TEX36: variants seen among roughly 807,000 people sequenced by gnomAD.
TEX36 encodes the protein testis-expressed protein 36.
TEX36 carries 12 observed loss-of-function variants against 13.6 expected under a neutral mutation model. That is an observed-to-expected ratio of 0.88 (90% confidence interval 0.56 to 1.43). TEX36 has a LOEUF of 1.43. Among genes scored for constraint, TEX36 ranks in the 40% most tolerant of loss-of-function variants. The pLI, the probability that TEX36 is intolerant of heterozygous loss-of-function variation, is 0.00. For synonymous variants in TEX36, 93 were observed against 83.0 expected, an observed-to-expected ratio of 1.12 and a Z score of -0.65; for missense variants, 224 against 228.3, an observed-to-expected ratio of 0.98 and a Z score of 0.12.
intron 1 of TEX36, chr10:125,668,051 G>A (rs1384282459): frequency 1.6e-6 from 1 of 641,660 alleles, no homozygotes; most frequent in East Asian, 2.7e-5. Flanking sequence ...CTTTGGCCAG[G>A]GATCTCCTAA....
intron 3 of TEX36, among the ~76,000 whole-genome samples, chr10:125,630,985 C>G (rs899243658): frequency 2.0e-5 from 3 of 152,148 alleles, no homozygotes; most frequent in African/African-American, 7.2e-5. Flanking sequence ...GCTCCTGTCT[C>G]AGGTTCTCTT....
chr10:125,651,434 G>C (rs7909652), downstream of TEX36, among the ~76,000 whole-genome samples: 3,967 of 152,148 alleles, frequency 0.026, 177 homozygotes, highest in African/African-American at 0.09. Context: ...AGGCCTTCGA[G>C]AAAATTCAAC....
chr10:125,619,834 C>A (rs151326144), downstream of TEX36, among the ~76,000 whole-genome samples: 2 of 151,864 alleles, frequency 1.3e-5, no homozygotes, highest in African/African-American at 4.8e-5. Context: ...GGATTACAGG[C>A]GTGAGCCACC....
intron 3 of TEX36, among the ~76,000 whole-genome samples, chr10:125,588,933 C>G (rs760461152): frequency 6.6e-6 from 1 of 152,102 alleles, no homozygotes; most frequent in East Asian, 1.9e-4. Flanking sequence ...CTCAGGTGAA[C>G]TCACAGAACA....
intron 3 of TEX36, among the ~76,000 whole-genome samples, chr10:125,622,405 C>T (rs1053212703): frequency 6.6e-6 from 1 of 152,218 alleles, no homozygotes; most frequent in Non-Finnish European, 1.5e-5. Flanking sequence ...AGTAAATACT[C>T]ATGACAATTA....
chr10:125,640,963 C>T (rs1846682238), intron 3 of TEX36, among the ~76,000 whole-genome samples: 1 of 151,592 alleles, frequency 6.6e-6, no homozygotes, highest in Admixed American at 6.6e-5. Flanking sequence ...CCCCCACACC[C>T]ATCTCTCCCC....
chr10:125,608,987 A>AG (rs1307545749), intron 3 of TEX36, among the ~76,000 whole-genome samples: 5 of 138,440 alleles, frequency 3.6e-5, no homozygotes, highest in East Asian at 2.0e-4. Context: ...AAAAAAAAAA[A>AG]AAAAGAAAGA....
At chr10:125,604,744 A>G (rs1846194703) in intron 3 of TEX36, among the ~76,000 whole-genome samples, 1 of 152,086 alleles carries the variant, frequency 6.6e-6, no homozygotes, top group Non-Finnish European at 1.5e-5. Flanking sequence ...CCCAGGAGGC[A>G]GAGGTTGCAG....
At chr10:125,649,549 G>A (rs1244141265) in intron 3 of TEX36, among the ~76,000 whole-genome samples, 4 of 152,174 alleles carry the variant, frequency 2.6e-5, no homozygotes, top group Non-Finnish European at 5.9e-5. Context: ...GCAAAAACAT[G>A]TCAAACTGTA....
At chr10:125,640,524 A>G (rs544513866) in intron 3 of TEX36, among the ~76,000 whole-genome samples, 337 of 152,288 alleles carry the variant, frequency 2.2e-3, no homozygotes, top group Non-Finnish European at 4.0e-3. Flanking sequence ...TAGCCATAAC[A>G]TGTTTACTTA....
At chr10:125,609,524 T>A (rs1277661139) in intron 3 of TEX36, among the ~76,000 whole-genome samples, 1 of 152,180 alleles carries the variant, frequency 6.6e-6, no homozygotes, top group African/African-American at 2.4e-5. Context: ...AAACCTCCCA[T>A]GCGGGATCCT....
chr10:125,679,587 A>C (rs1408041306), intron 1 of TEX36, among the ~76,000 whole-genome samples: 1 of 152,150 alleles, frequency 6.6e-6, no homozygotes, highest in African/African-American at 2.4e-5. Flanking sequence ...GGCTGCCGGA[A>C]GTCTCTCACT....
At chr10:125,589,278 G>A (rs1295393774) in intron 3 of TEX36, among the ~76,000 whole-genome samples, 4 of 151,970 alleles carry the variant, frequency 2.6e-5, no homozygotes, top group South Asian at 2.1e-4. Flanking sequence ...TGGATTTTTC[G>A]GATGAATAGC....
downstream of TEX36, among the ~76,000 whole-genome samples, chr10:125,619,884 T>G (rs886730819): frequency 6.6e-6 from 1 of 151,700 alleles, no homozygotes; most frequent in African/African-American, 2.4e-5. Context: ...TAAATATATA[T>G]ATATATGTGT....
intron 3 of TEX36, among the ~76,000 whole-genome samples, chr10:125,615,289 A>G (rs1215778159): frequency 2.0e-5 from 3 of 151,826 alleles, no homozygotes; most frequent in African/African-American, 7.3e-5. Flanking sequence ...TCTCCTGCCT[A>G]ATTGCCCTGG....
At position 125,668,098 on chromosome 10, in the gene TEX36, C is replaced by T. The variant is rs1055525876; in HGVS notation, c.52-6121G>A. ...GTCTGTGGACAGAGTGTGGTTGGGG[C>T]ACCTCTGCATACCCTGTAGTTGTCT... On this transcript the variant is annotated intron_variant, in intron 1 of 3. Coordinates refer to ENST00000368821, the MANE Select transcript of TEX36 (RefSeq NM_001128202.3). The T allele has an allele frequency of 6.8e-6, 4 of 587,348 alleles. No individual in the cohort carries two copies. The African/African-American group carries it at 7.8e-5, about 11-fold the overall frequency. The allele number at this position is 587,348 out of a possible 1,614,324, so 36.4% of individuals were successfully genotyped here.
At chr10:125,621,221 C>T (rs1045044332), downstream of TEX36, among the ~76,000 whole-genome samples, 14 of 152,120 alleles carry the variant, frequency 9.2e-5, no homozygotes, top group African/African-American at 2.9e-4. Flanking sequence ...TACCCAGGAG[C>T]GGAATTGCTG....
chr10:125,680,017 T>C (rs1190512449), intron 1 of TEX36, among the ~76,000 whole-genome samples: 4 of 152,252 alleles, frequency 2.6e-5, no homozygotes, highest in Non-Finnish European at 5.9e-5. Flanking sequence ...TCATACATAC[T>C]GCTTTGCACC....
At chr10:125,615,222 C>T (rs1390247474) in intron 3 of TEX36, among the ~76,000 whole-genome samples, 6 of 152,158 alleles carry the variant, frequency 3.9e-5, no homozygotes, top group Admixed American at 1.3e-4. Flanking sequence ...ATCATGTCAT[C>T]TGCAAACAGG....
Sources: allele counts gnomAD v4.1 joint callset (sites outside exome capture counted in the v4.1 genomes callset), GRCh38; gene constraint gnomAD v4.1.1; transcripts MANE v1.5; gene names NCBI Gene and HGNC (gene_info 2026-07-23, HGNC 2026-07-21).